The following KCNT1 variants were observed in gnomAD, a reference collection of about 807,000 sequenced individuals.
KCNT1 encodes the protein potassium channel subfamily T member 1.
KCNT1 carries 78 observed loss-of-function variants against 147.8 expected under a neutral mutation model. That is an observed-to-expected ratio of 0.53 (90% confidence interval 0.44 to 0.64). The LOEUF is 0.64. Ranked by LOEUF, KCNT1 falls within the 30% of genes least tolerant of loss-of-function variation. KCNT1 has a pLI of 0.00. For missense variants in KCNT1, 1,419 were observed against 1,750.3 expected (o/e 0.81, Z 3.38); for synonymous variants, 867 against 748.8 (o/e 1.16, Z -2.58).
intron 2 of KCNT1, among the ~76,000 whole-genome samples, chr9:135,725,888 AC>A (rs1000785908): frequency 6.7e-6 from 1 of 149,180 alleles, no homozygotes; most frequent in Non-Finnish European, 1.5e-5. Context: ...GCCCCCTCCC[AC>A]CCGCCCTGGG....
At chr9:135,783,642 C>T (rs1432272067) in intron 24 of KCNT1, among the ~76,000 whole-genome samples, 4 of 152,246 alleles carry the variant, frequency 2.6e-5, no homozygotes, top group South Asian at 2.1e-4. Flanking sequence ...ACACGCCCTC[C>T]GGCACCACTT....
intron 2 of KCNT1, among the ~76,000 whole-genome samples, chr9:135,718,177 A>G (rs1444118369): frequency 6.6e-6 from 1 of 152,116 alleles, no homozygotes; most frequent in Non-Finnish European, 1.5e-5. Flanking sequence ...CCTCATCCCC[A>G]GTGCCTGTGC....
intron 23 of KCNT1, 138 bp from the exon 24 acceptor site, chr9:135,779,221 A>C: frequency 3.0e-5 from 14 of 470,294 alleles, no homozygotes; most frequent in Non-Finnish European, 4.1e-5. Flanking sequence ...TAGCCAAGAC[A>C]GTGGGCCCTG....
intron 29 of KCNT1, among the ~76,000 whole-genome samples, 194 bp downstream of exon 29, chr9:135,786,715 A>G (rs1234043680): frequency 1.3e-5 from 2 of 152,234 alleles, no homozygotes; most frequent in Non-Finnish European, 2.9e-5. Context: ...ACCACGGCCC[A>G]GCAGAGGCCC....
At chr9:135,722,374 T>C (rs1194773565) in intron 2 of KCNT1, among the ~76,000 whole-genome samples, 6 of 152,122 alleles carry the variant, frequency 3.9e-5, no homozygotes, top group Non-Finnish European at 8.8e-5. Flanking sequence ...CAAAATGAAA[T>C]TCCTCCCGCA....
At chr9:135,765,467 G>A (rs1035326976) in intron 12 of KCNT1, among the ~76,000 whole-genome samples, 157 bp from the exon 13 acceptor site, 5 of 152,136 alleles carry the variant, frequency 3.3e-5, no homozygotes, top group African/African-American at 9.7e-5. Context: ...AGGTGGAGGG[G>A]CCCTGCGGGG....
At chr9:135,785,692 T>A (rs10776850) in intron 28 of KCNT1, 109,365 of 505,824 alleles carry the variant, frequency 0.22, 12,485 homozygotes, top group Non-Finnish European at 0.24. Context: ...CCAGGTGGGA[T>A]GCCTACCTCT....
At chr9:135,765,877 A>G (rs762621574) in intron 13 of KCNT1, 117 bp downstream of exon 13, 4 of 1,016,208 alleles carry the variant, frequency 3.9e-6, no homozygotes, top group Non-Finnish European at 5.7e-6. Context: ...TGAGAGCATT[A>G]TAGACTATCC....
intron 21 of KCNT1, among the ~76,000 whole-genome samples, chr9:135,777,904 A>G (rs1407772361): frequency 1.1e-5 from 1 of 92,886 alleles, no homozygotes; most frequent in Non-Finnish European, 2.2e-5. Flanking sequence ...GTTCCCCCTC[A>G]CTCCCAGCTC....
chr9:135,759,820 C>G lies in KCNT1; in HGVS notation c.996C>G (p.Val332=). ...TCTGGCCATCGCAGCTGCTGGTGGT[C>G]ATCATGATCTGCGTGGCCCTCGTGG... ...PKIWPSQLLV[V]IMICVALVVL... is the part of the protein sequence containing the mutation. Residue 332 remains valine, a synonymous_variant, in exon 11 of 31, where the codon GTC becomes GTG. Transcript: ENST00000371757. The G allele has an allele frequency of 6.2e-7, 1 of 1,612,730 alleles. No individual in the cohort carries two copies. Among genetic ancestry groups the G allele is most frequent in the East Asian group, 2.2e-5 (1 of 44,872 alleles).
rs757452046 is a variant in KCNT1, at chr9:135,786,292, C to T, written c.3273C>T (p.Gly1091=). 5.6e-6 allele frequency: 9 copies of T among 1,606,792 alleles called. No homozygotes were observed. The highest frequency in any genetic ancestry group is 1.3e-5 in the African/African-American group (1 of 75,000). Residue 1091 remains glycine (G), a synonymous_variant, in exon 29 of 31, where the codon GGC becomes GGT. Transcript: ENST00000371757. ...SRAGTGGSSQ[G]RHTGGGDPAE... is the part of the protein sequence containing the mutation. ...CTGGCACCGGAGGCAGCTCCCAGGG[C>T]CGCCACACGGGCGGCGGTGACCCCG...
Position 135,752,813 on chromosome 9 carries a change from A to G in KCNT1, c.435-1124A>G, listed in dbSNP as rs912041560. Among the ~76,000 whole-genome samples the G allele has an allele frequency of 1.4e-5, 2 of 139,740 alleles. No homozygotes were observed. Among genetic ancestry groups the G allele is most frequent in the African/African-American group, 5.5e-5 (2 of 36,650 alleles). The allele number at this position is 139,740 out of a possible 152,430, so 91.7% of individuals were successfully genotyped here. A position where few individuals can be genotyped will look rare whatever the true frequency, so the allele number is the denominator to read the frequency against. ...GGATGGATGGATGGATGATGCGTGG[A>G]TGGGTGGAGGGATGGATGTTGGATG... On this transcript the variant is annotated intron_variant, in intron 4 of 30. Coordinates refer to ENST00000371757, the MANE Select transcript of KCNT1 (RefSeq NM_020822.3). This position sits in a 1 kb window ranked among gnomAD's most constrained non-coding sequence, Gnocchi z 5.1.
intron 15 of KCNT1, among the ~76,000 whole-genome samples, chr9:135,769,320 A>G (rs1382834397): frequency 6.7e-6 from 1 of 149,198 alleles, no homozygotes; most frequent in Non-Finnish European, 1.5e-5. Context: ...CACGTGGGTG[A>G]CGGTGTGTCT....
At chr9:135,774,357 G>A (rs575113536) in intron 19 of KCNT1, among the ~76,000 whole-genome samples, 83 of 146,530 alleles carry the variant, frequency 5.7e-4, no homozygotes, top group Admixed American at 1.7e-3. Flanking sequence ...TGTGTGGTGC[G>A]TGTTGTGTCT....
chr9:135,724,232 C>A (rs887269040), intron 2 of KCNT1, among the ~76,000 whole-genome samples: 1 of 152,218 alleles, frequency 6.6e-6, no homozygotes, highest in African/African-American at 2.4e-5. Flanking sequence ...CCATGGGGTG[C>A]TTTTCATCCC....
At chr9:135,734,995 A>C (rs1305459144) in intron 2 of KCNT1, among the ~76,000 whole-genome samples, 3 of 152,192 alleles carry the variant, frequency 2.0e-5, no homozygotes, top group African/African-American at 7.2e-5. Flanking sequence ...CAGCACGCCC[A>C]GGAGAAGAGC....
intron 19 of KCNT1, 33 bp from the exon 20 acceptor site, chr9:135,775,277 A>G: frequency 1.9e-6 from 3 of 1,540,526 alleles, no homozygotes; most frequent in Non-Finnish European, 2.7e-6. Flanking sequence ...ACCTCTGTGC[A>G]GCTGTGCTGA....
At chr9:135,732,040 A>AGAGAGG (rs1836504744) in intron 2 of KCNT1, among the ~76,000 whole-genome samples, 1 of 135,392 alleles carries the variant, frequency 7.4e-6, no homozygotes, top group Non-Finnish European at 1.6e-5. Flanking sequence ...AGAGAGAGAG[A>AGAGAGG]GGGAGTCTCA....
chr9:135,775,476 C>A (rs1171676629), intron 20 of KCNT1, 61 bp downstream of exon 20: 2 of 1,238,842 alleles, frequency 1.6e-6, no homozygotes, highest in Non-Finnish European at 2.3e-6. Context: ...GCCGTGCATA[C>A]CTGCCCTGGT....
Sources: allele counts gnomAD v4.1 joint callset (sites outside exome capture counted in the v4.1 genomes callset), GRCh38; gene constraint gnomAD v4.1.1; non-coding constraint Gnocchi (gnomAD v3.1); transcripts MANE v1.5; gene names NCBI Gene and HGNC (gene_info 2026-07-23, HGNC 2026-07-21).